SLFN12L: variants seen among roughly 807,000 people sequenced by gnomAD.
SLFN12L encodes schlafen family member 12-like.
In SLFN12L, 34 loss-of-function variants were observed where a neutral mutation model predicts 34.8. The observed-to-expected ratio is 0.98, with a 90% CI of 0.74 to 1.30. The LOEUF is 1.30. Among genes scored for constraint, SLFN12L ranks in the 50% most tolerant of loss-of-function variants. The pLI is 0.00. For missense variants in SLFN12L, 703 were observed against 696.2 expected (o/e 1.01, Z -0.11); for synonymous variants, 259 against 247.5 (o/e 1.05, Z -0.44).
rs1023640953 is a variant in SLFN12L at position 35,466,689 on chromosome 17, C to G, written c.*8234G>C. On this transcript the variant is annotated 3_prime_UTR_variant, in exon 5 of 5. Transcript: ENST00000628453. ...TGTGGCAGCCTCAAACAAAAAGGCT[C>G]TAAAATCTATCCAAATTAATACCAA... 6.6e-6 allele frequency among the ~76,000 whole-genome samples: 1 copy of G among 152,194 alleles called. No homozygotes were observed. Among genetic ancestry groups the G allele is most frequent in the African/African-American group, 2.4e-5 (1 of 41,448 alleles).
chr17:35,498,186 G>A, intron 2 of SLFN12L: 1 of 689,242 alleles, frequency 1.5e-6, no homozygotes, highest in South Asian at 1.6e-5. Flanking sequence ...CGGCGGCGTG[G>A]GGAGCCGGGG....
At chr17:35,490,454 A>C (rs889857807) in intron 2 of SLFN12L, 72 of 1,049,032 alleles carry the variant, frequency 6.9e-5, no homozygotes, top group Non-Finnish European at 9.8e-5. Flanking sequence ...GAAGTGCTAA[A>C]AGTGCAAAAT....
At chr17:35,505,566 A>G (rs1915439820) in intron 2 of SLFN12L, among the ~76,000 whole-genome samples, 1 of 152,212 alleles carries the variant, frequency 6.6e-6, no homozygotes, top group African/African-American at 2.4e-5. Context: ...CCGCATAACC[A>G]TTGAGTTTTG....
rs1913706173 is a variant in SLFN12L at position 35,465,365 on chromosome 17, T to C, written c.*9558A>G. Among the ~76,000 whole-genome samples, 1 of 152,098 alleles carries C rather than the reference T, an allele frequency of 6.6e-6. No homozygotes were observed. Among genetic ancestry groups the C allele is most frequent in the Non-Finnish European group, 1.5e-5 (1 of 68,032 alleles). ...AAAAATAGCTATGCCTTATTTTATATCTTGATTGAATTGCTCATAGTTGTT... is the reference window on the plus strand; with the variant it reads ...AAAAATAGCTATGCCTTATTTTATACCTTGATTGAATTGCTCATAGTTGTT... On this transcript the variant is annotated 3_prime_UTR_variant, in exon 5 of 5. Transcript: ENST00000628453.
rs1913838531 is a variant in SLFN12L, at chr17:35,473,298, A to G, written c.*1625T>C. On this transcript the variant is annotated 3_prime_UTR_variant, in exon 5 of 5. Coordinates refer to ENST00000628453, the MANE Select transcript of SLFN12L (RefSeq NM_001363830.2). ...TATTGGCTGTGGGTTTGTCATGAATAGCTCTTATTGTTTTGAGATATGTTT... is the reference window on the plus strand; with the variant it reads ...TATTGGCTGTGGGTTTGTCATGAATGGCTCTTATTGTTTTGAGATATGTTT... 6.6e-6 allele frequency among the ~76,000 whole-genome samples: 1 copy of G among 152,122 alleles called. No individual in the cohort carries two copies.
intron 2 of SLFN12L, among the ~76,000 whole-genome samples, chr17:35,504,356 G>A (rs1004251993): frequency 1.2e-4 from 19 of 152,216 alleles, no homozygotes; most frequent in East Asian, 1.9e-4. Flanking sequence ...TGCCCCAACC[G>A]GTTTTTGTAA....
rs1555542684 is a variant in SLFN12L, at chr17:35,498,183, G to GTGGGGAGCCAGGGCCGCC, written c.87-17989_87-17988insGGCGGCCCTGGCTCCCCA. The GTGGGGAGCCAGGGCCGCC allele has an allele frequency of 3.4e-5, 21 of 624,908 alleles. No individual in the cohort carries two copies. In the East Asian group the frequency reaches 5.2e-4, roughly 15 times the overall value. 38.7% of individuals were successfully genotyped at this position (624,908 alleles called of 1,614,324 possible). A position where few individuals can be genotyped will look rare whatever the true frequency, so the allele number is the denominator to read the frequency against. On this transcript the variant is annotated intron_variant, in intron 2 of 4. Coordinates refer to ENST00000628453, the MANE Select transcript of SLFN12L (RefSeq NM_001363830.2). Reference sequence around the variant, plus strand: ...GCATCTCGATCCGGGAGGCGGCGGCGTGGGGAGCCGGGGCCGCCTGGGATG... The same window carrying GTGGGGAGCCAGGGCCGCC: ...GCATCTCGATCCGGGAGGCGGCGGCGTGGGGAGCCAGGGCCGCCTGGGGAGCCGGGGCCGCCTGGGATG...
In SLFN12L at chr17:35,522,494, G is replaced by A; in HGVS notation, c.-130C>T. On this transcript the variant is annotated 5_prime_UTR_variant, in exon 2 of 5. Coordinates refer to ENST00000628453, the MANE Select transcript of SLFN12L (RefSeq NM_001363830.2). ...TGAGCAGATTTAAAACCTCATAGCT[G>A]CACAGGTCACTCAAGAGAGACCTGA... The A allele has an allele frequency of 6.2e-7, 1 of 1,613,232 alleles. No individual in the cohort carries two copies. Among genetic ancestry groups the A allele is most frequent in the South Asian group, 1.1e-5 (1 of 91,018 alleles).
At chr17:35,529,805 G>A (rs1417873682) in intron 1 of SLFN12L, among the ~76,000 whole-genome samples, 2 of 151,858 alleles carry the variant, frequency 1.3e-5, no homozygotes, top group Non-Finnish European at 2.9e-5. Flanking sequence ...TAACAAACCT[G>A]CACATTCTGC....
At position 35,530,441 on chromosome 17, in the gene SLFN12L, G is replaced by GAAGAAAGA. The variant is rs1289016983; in HGVS notation, c.-606+7124_-606+7131dup. 3.6e-4 allele frequency among the ~76,000 whole-genome samples: 6 copies of GAAGAAAGA among 16,878 alleles called. 1 individual carries two copies. Among genetic ancestry groups the GAAGAAAGA allele is most frequent in the Non-Finnish European group, 9.0e-4 (4 of 4,468 alleles). 11.1% of individuals were successfully genotyped at this position (16,878 alleles called of 152,430 possible). On this transcript the variant is annotated intron_variant, in intron 1 of 4. Transcript: ENST00000628453. Reference sequence around the variant, plus strand: ...AGGAAGGAAGGAAGGGAAGGGAAGGGAAGAAAGAAAGAAAGAAAGAAAGAA... The same window carrying GAAGAAAGA: ...AGGAAGGAAGGAAGGGAAGGGAAGGGAAGAAAGAAAGAAAGAAAGAAAGAAAGAAAGAA...
intron 1 of SLFN12L, among the ~76,000 whole-genome samples, chr17:35,524,778 C>T (rs1405186490): frequency 1.3e-5 from 2 of 152,072 alleles, no homozygotes; most frequent in African/African-American, 4.8e-5. Context: ...CTGAAAATTC[C>T]AAAAACCAGA....
chr17:35,487,761 T>C (rs1303187309), intron 2 of SLFN12L: 3 of 1,535,998 alleles, frequency 2.0e-6, no homozygotes, highest in Non-Finnish European at 2.6e-6. Flanking sequence ...CTTCACCAAG[T>C]AGGGGGACCT....
At chr17:35,489,048 C>T (rs1376906951) in intron 2 of SLFN12L, among the ~76,000 whole-genome samples, 1 of 152,136 alleles carries the variant, frequency 6.6e-6, no homozygotes, top group Non-Finnish European at 1.5e-5. Flanking sequence ...CCAGCCTAGG[C>T]GACAGAGCGA....
intron 2 of SLFN12L, among the ~76,000 whole-genome samples, chr17:35,507,312 T>C (rs975621545): frequency 2.0e-5 from 3 of 152,204 alleles, no homozygotes; most frequent in African/African-American, 7.2e-5. Flanking sequence ...GGGCACAAGA[T>C]GGCTCATAGG....
Position 35,475,229 on chromosome 17 carries a change from G to A in SLFN12L, c.1533C>T (p.Asp511=). The change falls in exon 5 of 5, where the codon GAC becomes GAT. Residue 511 remains aspartate, a synonymous_variant. Coordinates refer to ENST00000628453, the MANE Select transcript of SLFN12L (RefSeq NM_001363830.2). ...AAGTTTGGGCAGTTTGTGTAGAATA[G>A]TCTTTAAACTCCTCATCCTGTACCA... The part of the protein sequence containing the change: ...FHMVQDEEFK[D]YSTQTAQTLK... 1 of 1,614,178 alleles carries A rather than the reference G, an allele frequency of 6.2e-7. No homozygotes were observed. The highest frequency in any genetic ancestry group is 8.5e-7 in the Non-Finnish European group (1 of 1,180,028).
At chr17:35,495,143 G>A (rs1450213559) in intron 2 of SLFN12L, among the ~76,000 whole-genome samples, 1 of 152,060 alleles carries the variant, frequency 6.6e-6, no homozygotes, top group Admixed American at 6.5e-5. Flanking sequence ...CATGCAATCT[G>A]CCCGCCTTGG....
In SLFN12L at chr17:35,474,929, C is replaced by G. The variant is rs1427145885; in HGVS notation, c.1833G>C (p.Leu611Phe). The G allele has an allele frequency of 6.5e-7, 1 of 1,543,376 alleles. No homozygotes were observed. Among genetic ancestry groups the G allele is most frequent in the African/African-American group, 1.4e-5 (1 of 72,558 alleles). Residue 611 changes from leucine (L) to phenylalanine (F), a missense_variant, in exon 5 of 5, where the codon TTG (leucine) becomes TTC (phenylalanine). Coordinates refer to ENST00000628453, the MANE Select transcript of SLFN12L (RefSeq NM_001363830.2). ...CTGGGTGACAGAGTGAGACTCATCTCAAGAAAAAACAAACAAACCAACAAA... is the reference window on the plus strand; with the variant it reads ...CTGGGTGACAGAGTGAGACTCATCTGAAGAAAAAACAAACAAACCAACAAA... The part of the protein sequence containing the change: ...LFVCWFVCFF[L>F]R
chr17:35,467,599 A>G lies in SLFN12L; in HGVS notation c.*7324T>C, dbSNP rs560080583. On this transcript the variant is annotated 3_prime_UTR_variant, in exon 5 of 5. Transcript: ENST00000628453. Reference sequence around the variant, plus strand: ...AGAGTCTCCCCAAACAACTTCTTTTAAAGTTCCAGTCCAACAAATGGACCT... The same window carrying G: ...AGAGTCTCCCCAAACAACTTCTTTTGAAGTTCCAGTCCAACAAATGGACCT... 2.0e-5 allele frequency among the ~76,000 whole-genome samples: 3 copies of G among 152,324 alleles called. No individual in the cohort carries two copies. Among genetic ancestry groups the G allele is most frequent in the African/African-American group, 7.2e-5 (3 of 41,574 alleles).
intron 4 of SLFN12L, among the ~76,000 whole-genome samples, chr17:35,475,821 G>A (rs1201120173): frequency 1.3e-5 from 2 of 151,952 alleles, no homozygotes; most frequent in African/African-American, 4.8e-5. Flanking sequence ...GATCACTTGA[G>A]CCCAGGAAGT....
Sources: allele counts gnomAD v4.1 joint callset (sites outside exome capture counted in the v4.1 genomes callset), GRCh38; gene constraint gnomAD v4.1.1; transcripts MANE v1.5; gene names NCBI Gene and HGNC (gene_info 2026-07-23, HGNC 2026-07-21).